The following CDC5L variants were observed in gnomAD, a reference collection of about 807,000 sequenced individuals.
CDC5L encodes cell division cycle 5-like protein.
A neutral mutation model predicts 104.1 loss-of-function variants in CDC5L; 18 were observed. That is an observed-to-expected ratio of 0.17 (90% CI 0.12 to 0.26). The LOEUF (loss-of-function observed/expected upper bound fraction) is 0.26, where lower values mean the gene tolerates loss of function less well. CDC5L is among the 10% of genes least tolerant of loss of function. The pLI is 1.00. For synonymous variants in CDC5L, 331 were observed against 322.7 expected (o/e 1.03, Z -0.28); for missense variants, 673 against 956.9 (o/e 0.70, Z 3.91).
intron 8 of CDC5L, among the ~76,000 whole-genome samples, chr6:44,410,096 C>T (rs1230351679): frequency 6.6e-6 from 1 of 152,100 alleles, no homozygotes; most frequent in Non-Finnish European, 1.5e-5. Context: ...CACTTAAAAT[C>T]TACCCTTAGC....
chr6:44,420,904 T>C (rs558069613), intron 9 of CDC5L, among the ~76,000 whole-genome samples: 1 of 152,324 alleles, frequency 6.6e-6, no homozygotes, highest in East Asian at 1.9e-4. Flanking sequence ...CAATGGTCTT[T>C]GTTTCAGAAC....
chr6:44,424,713 T>C (rs1411640311), intron 11 of CDC5L, 130 bp downstream of exon 11: 4 of 731,526 alleles, frequency 5.5e-6, no homozygotes, highest in Non-Finnish European at 8.9e-6. Flanking sequence ...ACTTCTAAAG[T>C]AAATAACTTA....
At chr6:44,432,986 C>T (rs1792756541) in intron 14 of CDC5L, among the ~76,000 whole-genome samples, 1 of 152,116 alleles carries the variant, frequency 6.6e-6, no homozygotes, top group Non-Finnish European at 1.5e-5. Context: ...AGATACATTG[C>T]AGGGGAGTAA....
intron 2 of CDC5L, 65 bp downstream of exon 2, chr6:44,390,436 A>C: frequency 2.0e-6 from 2 of 995,546 alleles, no homozygotes; most frequent in Non-Finnish European, 3.1e-6. Context: ...GAAAATGTCA[A>C]CTCTGTGAAC....
intron 13 of CDC5L, among the ~76,000 whole-genome samples, chr6:44,428,406 T>C (rs1792525902): frequency 6.6e-6 from 1 of 152,118 alleles, no homozygotes; most frequent in East Asian, 1.9e-4. Context: ...AAGCCTTCTG[T>C]AAGGCACAGA....
chr6:44,400,541 C>T (rs889516643), intron 5 of CDC5L, among the ~76,000 whole-genome samples: 14 of 152,262 alleles, frequency 9.2e-5, no homozygotes, highest in African/African-American at 2.9e-4. Flanking sequence ...GCACTGTCTA[C>T]CGTGCCTGGC....
intron 9 of CDC5L, among the ~76,000 whole-genome samples, chr6:44,419,889 C>T (rs11571985): frequency 1.9e-4 from 29 of 152,246 alleles, no homozygotes; most frequent in South Asian, 8.3e-4. Flanking sequence ...TCTCGTGCCT[C>T]AGCCTTCTGA....
chr6:44,396,509 G>GTGT, intron 5 of CDC5L, 69 bp downstream of exon 5: 13 of 956,502 alleles, frequency 1.4e-5, no homozygotes, highest in Non-Finnish European at 2.1e-5. Context: ...GAATACTTCT[G>GTGT]TGACCAGATA....
intron 15 of CDC5L, 45 bp from the exon 16 acceptor site, chr6:44,446,562 A>T (rs376267985): frequency 1.2e-6 from 1 of 850,654 alleles, no homozygotes; most frequent in Non-Finnish European, 1.8e-6. Flanking sequence ...GATTTTTTTC[A>T]GTATAGTTAC....
chr6:44,396,832 G>A (rs558146664), intron 5 of CDC5L, among the ~76,000 whole-genome samples: 56 of 152,308 alleles, frequency 3.7e-4, no homozygotes, highest in African/African-American at 1.3e-3. Context: ...ATATTTTAAA[G>A]GATACAAATC....
At chr6:44,397,941 T>C (rs1395950366) in intron 5 of CDC5L, among the ~76,000 whole-genome samples, 1 of 152,242 alleles carries the variant, frequency 6.6e-6, no homozygotes, top group Non-Finnish European at 1.5e-5. Context: ...TCACAGCTTA[T>C]TAGCTTCTGG....
At chr6:44,392,314 A>G (rs1790659024) in intron 2 of CDC5L, among the ~76,000 whole-genome samples, 1 of 152,200 alleles carries the variant, frequency 6.6e-6, no homozygotes, top group Admixed American at 6.5e-5. Flanking sequence ...TAGTATGAAA[A>G]CTGGAAACAC....
At chr6:44,387,943 G>GGA in intron 1 of CDC5L, 75 bp downstream of exon 1, 1 of 1,452,316 alleles carries the variant, frequency 6.9e-7, no homozygotes, top group South Asian at 1.2e-5. Flanking sequence ...CGGAGGTCGG[G>GGA]GGGGCGACGA....
chr6:44,414,382 CTGTGTGTGTGTGTGTGTG>C (rs58800666), intron 8 of CDC5L, among the ~76,000 whole-genome samples: 225 of 130,034 alleles, frequency 1.7e-3, no homozygotes, highest in Non-Finnish European at 1.8e-3. Context: ...CTGGCCTGGC[CTGTGTGTGTGTGTGTGTG>C]TGTGTGTGTG....
chr6:44,406,507 T>C, intron 7 of CDC5L, 40 bp downstream of exon 7: 1 of 1,542,850 alleles, frequency 6.5e-7, no homozygotes, highest in Non-Finnish European at 8.9e-7. Context: ...TGTGAATTTA[T>C]ATGCTTATAT....
intron 14 of CDC5L, among the ~76,000 whole-genome samples, chr6:44,432,188 T>C (rs1792717691): frequency 6.6e-6 from 1 of 152,230 alleles, no homozygotes; most frequent in African/African-American, 2.4e-5. Context: ...AAGACACAGT[T>C]CTATTGGTTT....
At chr6:44,420,173 T>G (rs1792097861) in intron 9 of CDC5L, among the ~76,000 whole-genome samples, 1 of 152,062 alleles carries the variant, frequency 6.6e-6, no homozygotes, top group Non-Finnish European at 1.5e-5. Context: ...ATGGAGTCAT[T>G]TATGTTACAT....
chr6:44,406,074 GT>G (rs1791351045), intron 6 of CDC5L, among the ~76,000 whole-genome samples: 1 of 151,894 alleles, frequency 6.6e-6, no homozygotes, highest in Admixed American at 6.6e-5. Flanking sequence ...GCTAATTTTT[GT>G]ATTTTTAGTA....
At chr6:44,409,383 A>G (rs763744382) in intron 8 of CDC5L, among the ~76,000 whole-genome samples, 7 of 152,140 alleles carry the variant, frequency 4.6e-5, no homozygotes, top group Admixed American at 6.5e-5. Flanking sequence ...TACATTTTCT[A>G]TTCCCCTATT....
Sources: allele counts gnomAD v4.1 joint callset (sites outside exome capture counted in the v4.1 genomes callset), GRCh38; gene constraint gnomAD v4.1.1; transcripts MANE v1.5; gene names NCBI Gene and HGNC (gene_info 2026-07-23, HGNC 2026-07-21).